EBF2: variants seen among roughly 807,000 people sequenced by gnomAD.
The protein encoded by EBF2 is transcription factor COE2.
A neutral mutation model predicts 72.8 loss-of-function variants in EBF2; 21 were observed. The ratio of observed to expected loss-of-function variants is 0.29; its 90% confidence interval spans 0.20 to 0.42. EBF2 has a LOEUF of 0.42. EBF2 is among the 10% of genes least tolerant of loss of function. EBF2 has a pLI of 1.00. For missense variants in EBF2, 637 were observed against 731.2 expected (o/e 0.87, Z 1.49); for synonymous variants, 299 against 274.2 (o/e 1.09, Z -0.89).
rs1804264603 is a variant in EBF2, at chr8:25,976,144, A to C, written c.551+56941T>G. 2.0e-5 allele frequency among the ~76,000 whole-genome samples: 3 copies of C among 152,082 alleles called. No individual in the cohort carries two copies. In the South Asian group the frequency reaches 6.2e-4, roughly 32 times the overall value. The stretch of plus-strand genomic sequence containing the variant: ...TCCTCCAATGAAAATTAAAAATTCA[A>C]CTCTCTTGCATCATGCTTTTTATGA... On this transcript the variant is annotated intron_variant, in intron 6 of 15. Coordinates refer to ENST00000520164, the MANE Select transcript of EBF2 (RefSeq NM_022659.4).
intron 7 of EBF2, among the ~76,000 whole-genome samples, chr8:25,902,747 T>G (rs1802976158): frequency 6.6e-6 from 1 of 152,098 alleles, no homozygotes. Flanking sequence ...AACCAACAGC[T>G]CCATTTGGAA....
chr8:25,959,935 T>G (rs1804011017), intron 6 of EBF2, among the ~76,000 whole-genome samples: 1 of 152,140 alleles, frequency 6.6e-6, no homozygotes, highest in Non-Finnish European at 1.5e-5. Context: ...CACCAACAGC[T>G]CAGGGGCATA....
chr8:25,920,896 T>C, intron 6 of EBF2, among the ~76,000 whole-genome samples: 1 of 152,160 alleles, frequency 6.6e-6, no homozygotes, highest in East Asian at 1.9e-4. Flanking sequence ...TGTGCTTTTT[T>C]TATGTGCTAC....
intron 6 of EBF2, among the ~76,000 whole-genome samples, chr8:25,966,110 C>T (rs1428163097): frequency 6.6e-6 from 1 of 152,220 alleles, no homozygotes; most frequent in Non-Finnish European, 1.5e-5. Context: ...CAACTGCAGG[C>T]CAGGCTGGCT....
chr8:25,993,631 A>G (rs1443477541), intron 6 of EBF2, among the ~76,000 whole-genome samples: 3 of 152,290 alleles, frequency 2.0e-5, no homozygotes, highest in African/African-American at 7.2e-5. Context: ...TCACGCAGCA[A>G]CCGGGGGAAA....
chr8:26,042,383 C>CT (rs1338384005), intron 1 of EBF2, 132 bp from the exon 2 acceptor site: 18 of 1,162,846 alleles, frequency 1.5e-5, no homozygotes, highest in East Asian at 5.3e-5. Context: ...CCCTTCGGGC[C>CT]TTTTTTCCAA....
intron 10 of EBF2, among the ~76,000 whole-genome samples, chr8:25,882,457 A>C (rs886540179): frequency 5.3e-5 from 8 of 152,196 alleles, no homozygotes; most frequent in African/African-American, 1.9e-4. Flanking sequence ...CAGGTGGTGA[A>C]GTTTTCAGGA....
intron 6 of EBF2, among the ~76,000 whole-genome samples, chr8:25,917,719 C>T (rs765246478): frequency 1.3e-5 from 2 of 152,122 alleles, no homozygotes; most frequent in Non-Finnish European, 2.9e-5. Flanking sequence ...TTAATGGGTC[C>T]TCACCGTCCC....
chr8:26,013,998 A>T (rs2117237225), intron 6 of EBF2, among the ~76,000 whole-genome samples: 1 of 152,332 alleles, frequency 6.6e-6, no homozygotes, highest in East Asian at 1.9e-4. Context: ...AAAAGAGTCC[A>T]AAGCCCTCGT....
chr8:26,033,224 A>G (rs767770885), intron 5 of EBF2, 71 bp from the exon 6 acceptor site: 412 of 1,479,552 alleles, frequency 2.8e-4, no homozygotes, highest in Non-Finnish European at 3.7e-4. Context: ...GCACATGACA[A>G]GAACATTTTT....
At chr8:25,894,019 C>T (rs939560093) in intron 7 of EBF2, among the ~76,000 whole-genome samples, 6 of 152,100 alleles carry the variant, frequency 3.9e-5, no homozygotes, top group East Asian at 3.9e-4. Context: ...TGCATGTGTA[C>T]GTATAGATAT....
At chr8:25,952,019 A>G (rs1348197991) in intron 6 of EBF2, among the ~76,000 whole-genome samples, 7 of 152,220 alleles carry the variant, frequency 4.6e-5, no homozygotes, top group Non-Finnish European at 1.5e-5. Context: ...AAGACCAGGT[A>G]CACTGGCTCA....
chr8:25,846,468 G>A (rs1057338708), intron 15 of EBF2, among the ~76,000 whole-genome samples: 9 of 152,020 alleles, frequency 5.9e-5, no homozygotes, highest in African/African-American at 1.2e-4. Flanking sequence ...TGGGAGGATC[G>A]CTTGAGCCCA....
intron 7 of EBF2, among the ~76,000 whole-genome samples, chr8:25,895,800 T>C (rs1258346946): frequency 6.6e-6 from 1 of 152,210 alleles, no homozygotes; most frequent in Non-Finnish European, 1.5e-5. Flanking sequence ...AGTTATTTCT[T>C]TAGTTATCAG....
At chr8:25,977,414 C>A (rs889733337) in intron 6 of EBF2, among the ~76,000 whole-genome samples, 4 of 152,104 alleles carry the variant, frequency 2.6e-5, no homozygotes, top group Non-Finnish European at 4.4e-5. Flanking sequence ...TGCACATTTT[C>A]TACACAGCAC....
rs147242059 is a variant in EBF2, at chr8:25,902,152, A to C, written c.633+6322T>G. 5.4e-4 allele frequency among the ~76,000 whole-genome samples: 83 copies of C among 152,304 alleles called. 2 individuals carry two copies. The East Asian group carries it at 8.7e-3, about 16-fold the overall frequency. Reference sequence around the variant, plus strand: ...ATTGTCAATTCCTAGTGATTTTTAGAATGTGAATGTGGGAAATGACCGTGT... The same window carrying C: ...ATTGTCAATTCCTAGTGATTTTTAGCATGTGAATGTGGGAAATGACCGTGT... On this transcript the variant is annotated intron_variant, in intron 7 of 15. Transcript: ENST00000520164.
At chr8:25,979,975 T>C (rs1301061958) in intron 6 of EBF2, among the ~76,000 whole-genome samples, 1 of 152,126 alleles carries the variant, frequency 6.6e-6, no homozygotes, top group African/African-American at 2.4e-5. Flanking sequence ...CAAAAACTTC[T>C]ACCTCTGAAA....
intron 7 of EBF2, among the ~76,000 whole-genome samples, chr8:25,903,079 G>A (rs978967465): frequency 1.3e-5 from 2 of 152,022 alleles, no homozygotes; most frequent in East Asian, 1.9e-4. Flanking sequence ...TTATGGATAC[G>A]TAGCAGACAT....
chr8:25,876,165 C>T (rs1458926169), intron 10 of EBF2, among the ~76,000 whole-genome samples: 2 of 152,114 alleles, frequency 1.3e-5, no homozygotes, highest in Non-Finnish European at 2.9e-5. Flanking sequence ...CATGGGAACA[C>T]AAAACCAAAC....
Sources: allele counts gnomAD v4.1 joint callset (sites outside exome capture counted in the v4.1 genomes callset), GRCh38; gene constraint gnomAD v4.1.1; transcripts MANE v1.5; gene names NCBI Gene and HGNC (gene_info 2026-07-23, HGNC 2026-07-21).